Variants in SDK1 observed in about 807,000 individuals in gnomAD.
The protein encoded by SDK1 is sidekick cell adhesion molecule 1.
A neutral mutation model predicts 245.5 loss-of-function variants in SDK1; 157 were observed. That is an observed-to-expected ratio of 0.64 (90% confidence interval 0.56 to 0.73). The LOEUF (loss-of-function observed/expected upper bound fraction) is 0.73, where lower values mean the gene tolerates loss of function less well. Ranked by LOEUF, SDK1 falls within the 30% of genes least tolerant of loss-of-function variation. SDK1 has a pLI of 0.00. For missense variants in SDK1, 3,583 were observed against 3,002.3 expected (o/e 1.19, Z -4.52); for synonymous variants, 1,647 against 1,278.5 (o/e 1.29, Z -6.15).
intron 1 of SDK1, among the ~76,000 whole-genome samples, chr7:3,463,393 G>A (rs1013238665): frequency 1.3e-5 from 2 of 152,156 alleles, no homozygotes; most frequent in African/African-American, 2.4e-5. Flanking sequence ...CATAGATTGA[G>A]TTTTGAGCCC....
chr7:4,171,828 C>T (rs544736650), intron 32 of SDK1, among the ~76,000 whole-genome samples: 2 of 152,368 alleles, frequency 1.3e-5, no homozygotes, highest in East Asian at 3.9e-4. Context: ...CCTGGGGCTG[C>T]AAGCCCGCAG....
At chr7:4,083,424 C>A (rs117929229) in intron 22 of SDK1, among the ~76,000 whole-genome samples, 3,022 of 152,170 alleles carry the variant, frequency 0.02, 56 homozygotes, top group Admixed American at 0.05. Flanking sequence ...TGGAGATGCA[C>A]CTGGTTACAT....
At chr7:3,543,561 C>T (rs1362523145) in intron 1 of SDK1, among the ~76,000 whole-genome samples, 2 of 152,152 alleles carry the variant, frequency 1.3e-5, no homozygotes, top group African/African-American at 4.8e-5. Context: ...CACATAGCCA[C>T]ATAAAGGCAG....
At chr7:3,823,052 A>G (rs996313865) in intron 5 of SDK1, among the ~76,000 whole-genome samples, 39 of 152,052 alleles carry the variant, frequency 2.6e-4, no homozygotes, top group Non-Finnish European at 4.9e-4. Flanking sequence ...CAGATTTAGG[A>G]TGAGTGGGGT....
At position 3,930,419 on chromosome 7, in the gene SDK1, A is replaced by C. The variant is rs182674633; in HGVS notation, c.848-20504A>C. ...CTTGAACAGGATCCCCAGCTGAATCACGTACACACACAAGTTTGAGAAGCA... is the reference window on the plus strand; with the variant it reads ...CTTGAACAGGATCCCCAGCTGAATCCCGTACACACACAAGTTTGAGAAGCA... On this transcript the variant is annotated intron_variant, in intron 5 of 44. Coordinates refer to ENST00000404826, the MANE Select transcript of SDK1 (RefSeq NM_152744.4). 5.6e-4 allele frequency among the ~76,000 whole-genome samples: 85 copies of C among 152,302 alleles called. 1 individual carries two copies. The highest frequency in any genetic ancestry group is 1.9e-3 in the African/African-American group (80 of 41,570).
At chr7:3,307,014 G>GTTTTC (rs1779432972) in intron 1 of SDK1, among the ~76,000 whole-genome samples, 1 of 152,156 alleles carries the variant, frequency 6.6e-6, no homozygotes, top group East Asian at 1.9e-4. Context: ...TCAAGGTGGG[G>GTTTTC]AATGAAAATC....
intron 4 of SDK1, among the ~76,000 whole-genome samples, chr7:3,700,998 C>A (rs952509931): frequency 6.6e-6 from 1 of 152,032 alleles, no homozygotes; most frequent in African/African-American, 2.4e-5. Flanking sequence ...CTGTGTCGTG[C>A]GCGTGAGCCC....
At chr7:3,762,504 G>A (rs1470760655) in intron 4 of SDK1, among the ~76,000 whole-genome samples, 2 of 152,274 alleles carry the variant, frequency 1.3e-5, no homozygotes, top group East Asian at 1.9e-4. Flanking sequence ...AACTTTCACC[G>A]ATACTTGCTG....
At chr7:3,688,771 C>A (rs1784359792) in intron 4 of SDK1, among the ~76,000 whole-genome samples, 1 of 152,196 alleles carries the variant, frequency 6.6e-6, no homozygotes, top group Non-Finnish European at 1.5e-5. Context: ...AAAGCACAGG[C>A]TGAGGAGTCT....
chr7:4,268,359 T>G lies in SDK1; in HGVS notation c.*2975T>G. On this transcript the variant is annotated 3_prime_UTR_variant, in exon 45 of 45. Coordinates refer to ENST00000404826, the MANE Select transcript of SDK1 (RefSeq NM_152744.4). ...GAGAGAGCTGCCAGGCCACACCCCCTCGGCCTCCTGCACGGCCACCTTCTG... is the reference window on the plus strand; with the variant it reads ...GAGAGAGCTGCCAGGCCACACCCCCGCGGCCTCCTGCACGGCCACCTTCTG... The G allele has an allele frequency of 9.5e-7, 1 of 1,056,452 alleles. No individual in the cohort carries two copies. The highest frequency in any genetic ancestry group is 1.1e-6 in the Non-Finnish European group (1 of 870,278). The allele number at this position is 1,056,452 out of a possible 1,614,324, so 65.4% of individuals were successfully genotyped here. A position where few individuals can be genotyped will look rare whatever the true frequency, so the allele number is the denominator to read the frequency against.
At chr7:3,435,585 G>C (rs576015882) in intron 1 of SDK1, among the ~76,000 whole-genome samples, 1 of 151,650 alleles carries the variant, frequency 6.6e-6, no homozygotes, top group Non-Finnish European at 1.5e-5. Flanking sequence ...GGCTGGTTTC[G>C]AACTCCTGAG....
chr7:4,153,549 G>A (rs1300612241), intron 30 of SDK1, among the ~76,000 whole-genome samples: 1 of 152,174 alleles, frequency 6.6e-6, no homozygotes, highest in Non-Finnish European at 1.5e-5. Context: ...TCATACCACT[G>A]AACTCCAGCC....
In SDK1 at chr7:4,130,055, G is replaced by A; in HGVS notation, c.4087G>A (p.Val1363Ile). 5 of 1,612,252 alleles carry A rather than the reference G, an allele frequency of 3.1e-6. No individual in the cohort carries two copies. Among genetic ancestry groups the A allele is most frequent in the Non-Finnish European group, 4.2e-6 (5 of 1,179,090 alleles). Residue 1363 changes from valine to isoleucine, a missense_variant, in exon 27 of 45, where the codon GTC becomes ATC. Physicochemically the swap from Val to Ile is conservative, Grantham distance 29. Transcript: ENST00000404826. ...GGCGTTCACCCGCATCGGGAACGGG[G>A]TCCCCAGCACGCCCCTCATCCTGGA... ...VLAFTRIGNG[V>I]PSTPLILERT...
At chr7:3,645,258 G>T (rs1224810831) in intron 4 of SDK1, among the ~76,000 whole-genome samples, 1 of 152,184 alleles carries the variant, frequency 6.6e-6, no homozygotes, top group South Asian at 2.1e-4. Context: ...CAAATGGTCT[G>T]CTTACAAGCA....
chr7:3,527,145 T>C (rs1783165768), intron 1 of SDK1, among the ~76,000 whole-genome samples: 1 of 152,250 alleles, frequency 6.6e-6, no homozygotes. Context: ...TAAAATGTTT[T>C]ATATACACAT....
chr7:4,094,511 C>T (rs1291296819), intron 22 of SDK1, among the ~76,000 whole-genome samples: 5 of 152,188 alleles, frequency 3.3e-5, no homozygotes, highest in African/African-American at 1.2e-4. Context: ...ACAGGGGCCT[C>T]TGAGGAAAGT....
At chr7:3,941,255 T>C (rs995592173) in intron 5 of SDK1, among the ~76,000 whole-genome samples, 1 of 152,158 alleles carries the variant, frequency 6.6e-6, no homozygotes, top group Non-Finnish European at 1.5e-5. Context: ...CATTGGACTT[T>C]GCAGCCTTTT....
At chr7:3,787,784 T>C (rs1415581489) in intron 4 of SDK1, among the ~76,000 whole-genome samples, 1 of 152,216 alleles carries the variant, frequency 6.6e-6, no homozygotes, top group African/African-American at 2.4e-5. Flanking sequence ...GTCAACTCTC[T>C]CTGCTGTCCC....
At chr7:3,606,237 A>G (rs949243761) in intron 1 of SDK1, among the ~76,000 whole-genome samples, 6 of 151,826 alleles carry the variant, frequency 4.0e-5, no homozygotes, top group Admixed American at 6.6e-5. Flanking sequence ...TTTTTCTCTT[A>G]TGCTTCACCC....
Sources: gnomAD v4.1 joint callset for allele counts (sites outside exome capture counted in the v4.1 genomes callset) on GRCh38, gnomAD v4.1.1 for gene constraint, MANE v1.5 for transcripts, NCBI Gene and HGNC (gene_info 2026-07-23, HGNC 2026-07-21) for gene names.